Variants in CDK19 observed in about 807,000 individuals in gnomAD.
The protein encoded by CDK19 is cyclin dependent kinase 19, also known as cyclin-dependent kinase 19.
CDK19 carries 20 observed loss-of-function variants against 68.3 expected under a neutral mutation model. The observed-to-expected ratio is 0.29, with a 90% confidence interval of 0.21 to 0.43. The LOEUF is 0.43. CDK19 is among the 20% of genes least tolerant of loss of function. The pLI, the probability that CDK19 is intolerant of heterozygous loss-of-function variation, is 1.00. For synonymous variants in CDK19, 221 were observed against 222.8 expected (o/e 0.99, Z 0.07); for missense variants, 339 against 623.5 (o/e 0.54, Z 4.86).
At chr6:110,711,688 T>A (rs563853678) in intron 2 of CDK19, among the ~76,000 whole-genome samples, 7,218 of 152,292 alleles carry the variant, frequency 0.047, 178 homozygotes, top group Middle Eastern at 0.078. Flanking sequence ...TTACAATGGG[T>A]TGGGCACAGT....
intron 2 of CDK19, among the ~76,000 whole-genome samples, chr6:110,718,966 TAA>T (rs1429568102): frequency 1.3e-5 from 2 of 152,182 alleles, no homozygotes; most frequent in African/African-American, 4.8e-5. Flanking sequence ...TAAAGAGTTC[TAA>T]AGTCCTTGTA....
chr6:110,719,699 TAAAG>T (rs1562230017), intron 2 of CDK19, among the ~76,000 whole-genome samples: 7 of 152,098 alleles, frequency 4.6e-5, no homozygotes, highest in South Asian at 4.1e-4. Flanking sequence ...TTCTCTTAAA[TAAAG>T]AGTTAGAATA....
chr6:110,783,867 T>C (rs1780999060), intron 1 of CDK19, among the ~76,000 whole-genome samples: 1 of 151,448 alleles, frequency 6.6e-6, no homozygotes, highest in African/African-American at 2.4e-5. Context: ...CATCAAGAAA[T>C]TGAAAAGGCA....
At chr6:110,616,731 C>T (rs9487463) in intron 12 of CDK19, among the ~76,000 whole-genome samples, 3,883 of 151,216 alleles carry the variant, frequency 0.026, 173 homozygotes, top group African/African-American at 0.088. Context: ...ACTGAATAGT[C>T]ACATTGGTTA....
intron 10 of CDK19, 142 bp from the exon 11 acceptor site, chr6:110,622,308 C>T (rs1778769883): frequency 1.6e-6 from 1 of 614,030 alleles, no homozygotes; most frequent in African/African-American, 1.9e-5. Flanking sequence ...TTGACTGCTG[C>T]TAGCTAGTTG....
chr6:110,628,457 G>C (rs968177301), intron 6 of CDK19, among the ~76,000 whole-genome samples: 1 of 152,196 alleles, frequency 6.6e-6, no homozygotes, highest in Non-Finnish European at 1.5e-5. Flanking sequence ...ACCATTCTGA[G>C]CAGTGTGATG....
In CDK19 at chr6:110,706,911, C is replaced by A. The variant is rs76553049; in HGVS notation, c.205-36370G>T. 456 of 160,370 alleles carry A rather than the reference C, an allele frequency of 2.8e-3. 5 individuals carry two copies. Among genetic ancestry groups the A allele is most frequent in the East Asian group, 8.5e-3 (50 of 5,908 alleles). The allele number at this position is 160,370 out of a possible 1,614,324, so 9.9% of individuals were successfully genotyped here. A position where few individuals can be genotyped will look rare whatever the true frequency, so the allele number is the denominator to read the frequency against. ...TATTTTTAAAGAAAATATAGCAGTG[C>A]TACTCCTCTTTCCCTTTGTCAATTT... On this transcript the variant is annotated intron_variant, in intron 2 of 12. Coordinates refer to ENST00000368911, the MANE Select transcript of CDK19 (RefSeq NM_015076.5).
At chr6:110,767,745 C>T (rs982771286) in intron 1 of CDK19, among the ~76,000 whole-genome samples, 9 of 152,060 alleles carry the variant, frequency 5.9e-5, no homozygotes, top group African/African-American at 1.7e-4. Flanking sequence ...TTGATCATTA[C>T]ACATTGTATA....
intron 4 of CDK19, among the ~76,000 whole-genome samples, chr6:110,652,644 G>T (rs184938533): frequency 6.6e-6 from 1 of 152,190 alleles, no homozygotes; most frequent in Non-Finnish European, 1.5e-5. Flanking sequence ...GCTGCTGAAC[G>T]CAAGTAGTAC....
At chr6:110,716,763 C>T (rs956392079) in intron 2 of CDK19, among the ~76,000 whole-genome samples, 2 of 152,158 alleles carry the variant, frequency 1.3e-5, no homozygotes, top group African/African-American at 2.4e-5. Context: ...TCTATATATT[C>T]TTCTCTGTAT....
intron 1 of CDK19, among the ~76,000 whole-genome samples, chr6:110,749,813 C>CCCAGCTCT (rs1554218090): frequency 1.4e-5 from 2 of 145,170 alleles, no homozygotes; most frequent in South Asian, 2.4e-4. Context: ...TGCTCTGTTG[C>CCCAGCTCT]TCAGGCTGGA....
intron 1 of CDK19, among the ~76,000 whole-genome samples, chr6:110,782,816 C>T (rs551667389): frequency 1.4e-4 from 21 of 152,260 alleles, no homozygotes; most frequent in African/African-American, 3.6e-4. Flanking sequence ...CTCTCTCAAA[C>T]GCATCTCCAA....
chr6:110,721,341 T>C (rs1024864888), intron 2 of CDK19, among the ~76,000 whole-genome samples: 2 of 152,108 alleles, frequency 1.3e-5, no homozygotes, highest in African/African-American at 4.8e-5. Flanking sequence ...ATATCATATG[T>C]TAGAGGCCTT....
chr6:110,648,049 T>C (rs1780721489), intron 4 of CDK19, among the ~76,000 whole-genome samples: 1 of 152,190 alleles, frequency 6.6e-6, no homozygotes, highest in Non-Finnish European at 1.5e-5. Context: ...ATAAAAATTT[T>C]CAGCAAGTTA....
chr6:110,648,538 C>CTTTTTTTTTTTTTTT lies in CDK19; in HGVS notation c.457-9847_457-9833dup, dbSNP rs60624969. 3.3e-5 allele frequency among the ~76,000 whole-genome samples: 4 copies of CTTTTTTTTTTTTTTT among 120,216 alleles called. No homozygotes were observed. The East Asian group carries it at 7.9e-4, about 24-fold the overall frequency. The allele number at this position is 120,216 out of a possible 152,430, so 78.9% of individuals were successfully genotyped here. Reference sequence around the variant, plus strand: ...AACACCATGAAATCTTTTTTCTTTTCTTTTTTTTTTTTTTTTTTTTGAGAA... The same window carrying CTTTTTTTTTTTTTTT: ...AACACCATGAAATCTTTTTTCTTTTCTTTTTTTTTTTTTTTTTTTTTTTTTTTTTTTTTTTGAGAA... On this transcript the variant is annotated intron_variant, in intron 4 of 12. Coordinates refer to ENST00000368911, the MANE Select transcript of CDK19 (RefSeq NM_015076.5).
chr6:110,759,567 C>T (rs966812118), intron 1 of CDK19, among the ~76,000 whole-genome samples: 3 of 150,460 alleles, frequency 2.0e-5, no homozygotes, highest in African/African-American at 7.3e-5. Flanking sequence ...CGCACCATTG[C>T]ACTCTAGCCC....
intron 4 of CDK19, among the ~76,000 whole-genome samples, chr6:110,646,892 T>C (rs1224613258): frequency 6.6e-6 from 1 of 151,950 alleles, no homozygotes; most frequent in Non-Finnish European, 1.5e-5. Flanking sequence ...CCCACTGCTG[T>C]AATTGCTGCC....
At chr6:110,698,029 A>ACTTAACT (rs1489747506) in intron 2 of CDK19, among the ~76,000 whole-genome samples, 1 of 152,176 alleles carries the variant, frequency 6.6e-6, no homozygotes, top group Non-Finnish European at 1.5e-5. Context: ...TGGATCAAAG[A>ACTTAACT]CTTAACTCTA....
At chr6:110,814,801 C>T (rs1472700449) in intron 1 of CDK19, 1 of 698,652 alleles carries the variant, frequency 1.4e-6, no homozygotes, top group Admixed American at 2.2e-5. Flanking sequence ...CCGGGCTGCG[C>T]CGCGGGAGTT....
Sources: allele counts gnomAD v4.1 joint callset (sites outside exome capture counted in the v4.1 genomes callset), GRCh38; gene constraint gnomAD v4.1.1; transcripts MANE v1.5; gene names NCBI Gene and HGNC (gene_info 2026-07-23, HGNC 2026-07-21).